The following LRRC57 variants were observed in gnomAD, a reference collection of about 807,000 sequenced individuals.
LRRC57 encodes leucine-rich repeat-containing protein 57.
In LRRC57, 14 loss-of-function variants were observed where a neutral mutation model predicts 23.1. The ratio of observed to expected loss-of-function variants is 0.61; its 90% CI spans 0.40 to 0.95. The LOEUF (loss-of-function observed/expected upper bound fraction) is 0.95. Among genes scored for constraint, LRRC57 ranks in the 40% least tolerant of loss-of-function variants. The pLI, the probability that LRRC57 is intolerant of heterozygous loss-of-function variation, is 0.00. For missense variants in LRRC57, 236 were observed against 284.4 expected (o/e 0.83, Z 1.22); for synonymous variants, 106 against 115.2 (o/e 0.92, Z 0.51).
At chr15:42,546,666 G>T (rs889131688) in intron 4 of LRRC57, among the ~76,000 whole-genome samples, 1 of 152,130 alleles carries the variant, frequency 6.6e-6, no homozygotes, top group African/African-American at 2.4e-5. Context: ...AGAATCTTTG[G>T]ATTGGTTTTC....
At chr15:42,548,538 CCCG>C in intron 1 of LRRC57, 82 bp from the exon 2 acceptor site, 1 of 1,109,040 alleles carries the variant, frequency 9.0e-7, no homozygotes, top group African/African-American at 1.6e-5. Flanking sequence ...GCTCTCAACT[CCCG>C]CCGATCCCTG....
At position 42,548,152 on chromosome 15, in the gene LRRC57, T is replaced by C. The variant is rs1404800756; in HGVS notation, c.177A>G (p.Gly59=). Residue 59 remains glycine, a synonymous_variant, in exon 3 of 6, where the codon GGA becomes GGG. Transcript: ENST00000397130. ...AGAGGCTCTTCAGCAGAGTGAACTT[T>C]CCTATCAGCAAAGGCGGTAGGCTTT... ...KIESLPPLLI[G]KFTLLKSLSL... The C allele has an allele frequency of 1.9e-6, 3 of 1,614,076 alleles. No individual in the cohort carries two copies. Among genetic ancestry groups the C allele is most frequent in the Non-Finnish European group, 1.7e-6 (2 of 1,180,038 alleles).
rs1356882850 is a variant in LRRC57, at chr15:42,545,097, C to G, written c.658G>C (p.Glu220Gln). ...CATACCTTATCATAGCCTTCCAGTTCTCGAAGTTTCTTTATTTCAAAAAGA... is the reference window on the plus strand; with the variant it reads ...CATACCTTATCATAGCCTTCCAGTTGTCGAAGTTTCTTTATTTCAAAAAGA... ...GNLFEIKKLR[E>Q]LEGYDKYMER... The change falls in exon 5 of 6, where the codon GAA becomes CAA. Residue 220 changes from glutamate (E) to glutamine (Q), a missense_variant. Coordinates refer to ENST00000397130, the MANE Select transcript of LRRC57 (RefSeq NM_153260.3). 1.2e-5 allele frequency: 19 copies of G among 1,599,712 alleles called. No individual in the cohort carries two copies. Among genetic ancestry groups the G allele is most frequent in the Non-Finnish European group, 1.5e-5 (18 of 1,174,700 alleles).
chr15:42,531,540 C>A, the LRRC57 span: 1 of 1,319,722 alleles, frequency 7.6e-7, no homozygotes, highest in Non-Finnish European at 1.1e-6. Flanking sequence ...AAAGTTATTA[C>A]CTTTTCAGAG....
the LRRC57 span, chr15:42,531,461 A>G: frequency 1.8e-5 from 29 of 1,601,882 alleles, no homozygotes; most frequent in Non-Finnish European, 2.2e-5. Flanking sequence ...CAGAGCAAAG[A>G]AACTCATTGA....
the LRRC57 span, chr15:42,528,547 A>AT: frequency 1.0e-6 from 1 of 985,042 alleles, no homozygotes; most frequent in Non-Finnish European, 1.5e-6. Flanking sequence ...TTTAAAATGC[A>AT]TTTAAAAATC....
the LRRC57 span, among the ~76,000 whole-genome samples, chr15:42,530,234 C>T: frequency 1.3e-5 from 2 of 152,086 alleles, no homozygotes; most frequent in Non-Finnish European, 1.5e-5. Flanking sequence ...GCGTTCCTCC[C>T]ACATCAGCCT....
chr15:42,537,006 T>G (rs1431947464), downstream of LRRC57, among the ~76,000 whole-genome samples: 4 of 152,214 alleles, frequency 2.6e-5, no homozygotes, highest in Non-Finnish European at 5.9e-5. Flanking sequence ...GTTTCTATAC[T>G]CTAAACCTTT....
chr15:42,537,233 TCACACA>T (rs71108166), downstream of LRRC57, among the ~76,000 whole-genome samples: 147 of 136,586 alleles, frequency 1.1e-3, no homozygotes, highest in African/African-American at 3.2e-3. Flanking sequence ...TCTCTCTCTC[TCACACA>T]CACACACACA....
rs1313722510 is a variant in LRRC57 at position 42,548,332 on chromosome 15, G to C, written c.84+19C>G. ...CCCTCTCCCTTTAAGTTCCCTGGTC[G>C]TGTCCCTCCCAGTCTCACCTCGGTC... On this transcript the variant is annotated intron_variant, in intron 2 of 5. Coordinates refer to ENST00000397130, the MANE Select transcript of LRRC57 (RefSeq NM_153260.3). 58 of 1,613,968 alleles carry C rather than the reference G, an allele frequency of 3.6e-5. No individual in the cohort carries two copies. The highest frequency in any genetic ancestry group is 4.7e-5 in the Non-Finnish European group (56 of 1,179,950).
At chr15:42,546,396 G>GT (rs147589481) in intron 4 of LRRC57, among the ~76,000 whole-genome samples, 7,034 of 149,866 alleles carry the variant, frequency 0.047, 543 homozygotes, top group African/African-American at 0.16. Flanking sequence ...AATTGATTCA[G>GT]TTTTTTTTTT....
chr15:42,530,335 T>C, the LRRC57 span, among the ~76,000 whole-genome samples: 7 of 152,220 alleles, frequency 4.6e-5, no homozygotes, highest in Non-Finnish European at 8.8e-5. Context: ...ATAGTTCTTA[T>C]GGAGTGGACA....
At chr15:42,531,423 A>C in the LRRC57 span, 3 of 1,582,614 alleles carry the variant, frequency 1.9e-6, no homozygotes, top group South Asian at 3.6e-5. Context: ...GCTGACACCA[A>C]CAGAGATCGT....
chr15:42,529,838 C>T, the LRRC57 span: 4 of 1,608,958 alleles, frequency 2.5e-6, no homozygotes, highest in Non-Finnish European at 3.4e-6. Flanking sequence ...TTTTTATTGC[C>T]ACAAGAAAAT....
In LRRC57 at chr15:42,545,203, T is replaced by C. The variant is rs776560405; in HGVS notation, c.552A>G (p.Glu184=). Residue 184 remains glutamate (E), a synonymous_variant, in exon 5 of 6, where the codon GAA becomes GAG. Coordinates refer to ENST00000397130, the MANE Select transcript of LRRC57 (RefSeq NM_153260.3). ...CCPRLKILRL[E]ENCLELSMLP... ...GCATGCTGAGCTCAAGACAATTCTC[T>C]TCCAGGCGAAGAATTTTAAGGCGTG... 2 of 1,608,826 alleles carry C rather than the reference T, an allele frequency of 1.2e-6. No homozygotes were observed. The highest frequency in any genetic ancestry group is 1.1e-5 in the South Asian group (1 of 90,218).
rs1595540059 is a variant in LRRC57, at chr15:42,547,174, C to T, written c.492+87G>A. 19 of 1,402,890 alleles carry T rather than the reference C, an allele frequency of 1.4e-5. No homozygotes were observed. In the East Asian group the frequency reaches 4.4e-4, roughly 32 times the overall value. The allele number at this position is 1,402,890 out of a possible 1,614,324, so 86.9% of individuals were successfully genotyped here. A position where few individuals can be genotyped will look rare whatever the true frequency, so the allele number is the denominator to read the frequency against. ...CCTCTGATACTTAGCTCTATGATGG[C>T]AGTTTAGGAAACAAGAGGTTAACAG... On this transcript the variant is annotated intron_variant, in intron 4 of 5. Coordinates refer to ENST00000397130, the MANE Select transcript of LRRC57 (RefSeq NM_153260.3).
rs1200472017 is a variant in LRRC57, at chr15:42,538,035, C to G, written c.*6048G>C. The G allele has an allele frequency of 1.3e-5, 2 of 152,060 alleles. No homozygotes were observed. Among genetic ancestry groups the G allele is most frequent in the Non-Finnish European group, 2.9e-5 (2 of 68,004 alleles). The allele number at this position is 152,060 out of a possible 1,614,324, so 9.4% of individuals were successfully genotyped here. ...ATACTTAATGTAAGTTTCAAAATGG[C>G]TAGAAGATTTGAAATGTTCCCAACA... On this transcript the variant is annotated 3_prime_UTR_variant, in exon 6 of 6. Coordinates refer to ENST00000397130, the MANE Select transcript of LRRC57 (RefSeq NM_153260.3).
At chr15:42,528,948 T>G in the LRRC57 span, among the ~76,000 whole-genome samples, 1 of 152,194 alleles carries the variant, frequency 6.6e-6, no homozygotes, top group Non-Finnish European at 1.5e-5. Flanking sequence ...TTTATACTTT[T>G]CAGTACTTTC....
the LRRC57 span, chr15:42,528,450 C>T: frequency 6.8e-6 from 11 of 1,609,324 alleles, no homozygotes; most frequent in Middle Eastern, 4.9e-4. Context: ...TATTCCTGTA[C>T]CTTTCTTAAT....
Sources: allele counts gnomAD v4.1 joint callset (sites outside exome capture counted in the v4.1 genomes callset), GRCh38; gene constraint gnomAD v4.1.1; transcripts MANE v1.5; gene names NCBI Gene and HGNC (gene_info 2026-07-23, HGNC 2026-07-21).